ZNF804B: variants seen among roughly 807,000 people sequenced by gnomAD.
ZNF804B encodes zinc finger protein 804B, also known as zinc finger 804B.
ZNF804B carries 80 observed loss-of-function variants against 101.4 expected under a neutral mutation model. The observed-to-expected ratio is 0.79, with a 90% CI of 0.66 to 0.95. The LOEUF is 0.95. Ranked by LOEUF, ZNF804B falls within the 40% of genes least tolerant of loss-of-function variation. The pLI, the probability that ZNF804B is intolerant of heterozygous loss-of-function variation, is 0.00. For missense variants in ZNF804B, 1,673 were observed against 1,561.9 expected (o/e 1.07, Z -1.20); for synonymous variants, 622 against 558.8 (o/e 1.11, Z -1.59).
intron 1 of ZNF804B, among the ~76,000 whole-genome samples, chr7:88,761,879 C>T (rs536300472): frequency 6.6e-6 from 1 of 152,234 alleles, no homozygotes; most frequent in South Asian, 2.1e-4. Flanking sequence ...AAAAAGTGTC[C>T]TTTCTCTCCC....
At chr7:89,288,233 G>T (rs1389639015) in intron 2 of ZNF804B, among the ~76,000 whole-genome samples, 1 of 151,956 alleles carries the variant, frequency 6.6e-6, no homozygotes, top group African/African-American at 2.4e-5. Context: ...AGAAAAAAAT[G>T]GAAAGAACCG....
At chr7:89,093,576 C>T (rs1397050847) in intron 1 of ZNF804B, among the ~76,000 whole-genome samples, 1 of 152,146 alleles carries the variant, frequency 6.6e-6, no homozygotes, top group Non-Finnish European at 1.5e-5. Flanking sequence ...GTTCTGTTAC[C>T]CTAAAAATGT....
chr7:89,044,039 A>T (rs1789061770), intron 1 of ZNF804B, among the ~76,000 whole-genome samples: 2 of 152,224 alleles, frequency 1.3e-5, no homozygotes, highest in South Asian at 4.1e-4. Flanking sequence ...TGTTATTATG[A>T]CAAGTGAAAT....
intron 1 of ZNF804B, among the ~76,000 whole-genome samples, chr7:88,973,892 T>A (rs190238574): frequency 5.3e-4 from 81 of 151,540 alleles, no homozygotes; most frequent in Admixed American, 1.5e-3. Flanking sequence ...CAACTTTTTT[T>A]AAATTCCTTA....
At chr7:89,286,866 A>G (rs970292801) in intron 2 of ZNF804B, among the ~76,000 whole-genome samples, 1 of 152,170 alleles carries the variant, frequency 6.6e-6, no homozygotes, top group African/African-American at 2.4e-5. Context: ...AAATATAGAC[A>G]GAAATACAAT....
chr7:89,323,730 C>T (rs1280191388), intron 2 of ZNF804B, among the ~76,000 whole-genome samples: 1 of 152,054 alleles, frequency 6.6e-6, no homozygotes, highest in South Asian at 2.1e-4. Context: ...CCGCTTTGCA[C>T]AATACCCTAT....
At chr7:88,998,019 C>T (rs1475610547) in intron 1 of ZNF804B, among the ~76,000 whole-genome samples, 1 of 152,062 alleles carries the variant, frequency 6.6e-6, no homozygotes, top group African/African-American at 2.4e-5. Context: ...GGGCTGTCTG[C>T]CCCTTTGTCA....
intron 1 of ZNF804B, among the ~76,000 whole-genome samples, chr7:89,183,569 A>G (rs2115590131): frequency 6.6e-6 from 1 of 152,266 alleles, no homozygotes; most frequent in East Asian, 1.9e-4. Context: ...GTGCCTAAAC[A>G]TTTTTCCCCT....
chr7:89,280,300 G>A (rs1208869), intron 2 of ZNF804B, among the ~76,000 whole-genome samples: 105,053 of 150,588 alleles, frequency 0.7, 37,609 homozygotes, highest in African/African-American at 0.82. Flanking sequence ...TCCACAAGAG[G>A]AAGCAGGAAA....
chr7:89,173,531 G>A (rs1791270767), intron 1 of ZNF804B, among the ~76,000 whole-genome samples: 1 of 152,000 alleles, frequency 6.6e-6, no homozygotes, highest in South Asian at 2.1e-4. Flanking sequence ...GAATTAACCT[G>A]AATGTGCTTC....
At chr7:89,332,766 TA>T (rs1791006358) in intron 3 of ZNF804B, among the ~76,000 whole-genome samples, 1 of 151,780 alleles carries the variant, frequency 6.6e-6, no homozygotes, top group Admixed American at 6.6e-5. Flanking sequence ...TCATTGAAGG[TA>T]TTTAGATAGA....
At chr7:88,844,569 A>AT (rs1453982087) in intron 1 of ZNF804B, among the ~76,000 whole-genome samples, 17 of 152,334 alleles carry the variant, frequency 1.1e-4, no homozygotes, top group African/African-American at 3.8e-4. Flanking sequence ...ATGATTCTTC[A>AT]TAAGTGATTC....
At chr7:89,058,736 C>T (rs1004708157) in intron 1 of ZNF804B, among the ~76,000 whole-genome samples, 1 of 152,100 alleles carries the variant, frequency 6.6e-6, no homozygotes, top group East Asian at 1.9e-4. Flanking sequence ...TCACTCTTGT[C>T]CATCTGGAGT....
intron 1 of ZNF804B, among the ~76,000 whole-genome samples, chr7:88,995,815 T>C (rs1788185674): frequency 6.6e-6 from 1 of 152,056 alleles, no homozygotes; most frequent in Non-Finnish European, 1.5e-5. Flanking sequence ...GCCTTTGTTA[T>C]GTTGTTATGA....
At chr7:89,221,626 T>A (rs1169386417) in intron 2 of ZNF804B, among the ~76,000 whole-genome samples, 1 of 151,922 alleles carries the variant, frequency 6.6e-6, no homozygotes, top group South Asian at 2.1e-4. Context: ...TTTGTTTTTT[T>A]ATCATTTTCT....
chr7:89,116,586 A>C (rs1790315446), intron 1 of ZNF804B, among the ~76,000 whole-genome samples: 1 of 152,232 alleles, frequency 6.6e-6, no homozygotes, highest in African/African-American at 2.4e-5. Context: ...TTCAAATATT[A>C]AGCTTTAGTT....
chr7:89,147,770 C>G (rs973019176), intron 1 of ZNF804B, among the ~76,000 whole-genome samples: 1 of 151,544 alleles, frequency 6.6e-6, no homozygotes, highest in Admixed American at 6.6e-5. Context: ...ACTGTGCATG[C>G]GAGGAAGCTA....
At chr7:89,207,200 T>C (rs1788726856) in intron 1 of ZNF804B, among the ~76,000 whole-genome samples, 1 of 152,324 alleles carries the variant, frequency 6.6e-6, no homozygotes, top group Non-Finnish European at 1.5e-5. Context: ...ACTCTACTAG[T>C]ACCAGTTTAC....
intron 1 of ZNF804B, among the ~76,000 whole-genome samples, chr7:88,791,547 G>A (rs1052626422): frequency 6.6e-6 from 1 of 151,854 alleles, no homozygotes; most frequent in African/African-American, 2.4e-5. Flanking sequence ...AGTGAATTAG[G>A]TTTCTATTGG....
Sources: allele counts gnomAD v4.1 joint callset (sites outside exome capture counted in the v4.1 genomes callset), GRCh38; gene constraint gnomAD v4.1.1; transcripts MANE v1.5; gene names NCBI Gene and HGNC (gene_info 2026-07-23, HGNC 2026-07-21).